Variants in GRIN2B observed in about 807,000 individuals in gnomAD.
The protein encoded by GRIN2B is glutamate receptor ionotropic, NMDA 2B.
GRIN2B carries 5 observed loss-of-function variants against 114.5 expected under a neutral mutation model. The observed-to-expected ratio is 0.04, with a 90% CI of 0.02 to 0.09. The LOEUF (loss-of-function observed/expected upper bound fraction) is 0.09. Among genes scored for constraint, GRIN2B ranks in the 10% least tolerant of loss-of-function variants. The probability of loss-of-function intolerance (pLI) is 1.00; values close to 1 mark genes in which losing one functional copy is unlikely to be tolerated. For missense variants in GRIN2B, 1,108 were observed against 1,943.5 expected (o/e 0.57, Z 8.08); for synonymous variants, 787 against 745.1 (o/e 1.06, Z -0.92).
intron 4 of GRIN2B, among the ~76,000 whole-genome samples, chr12:13,698,233 G>A (rs1353308827): frequency 2.0e-5 from 3 of 152,204 alleles, no homozygotes; most frequent in Non-Finnish European, 4.4e-5. Flanking sequence ...CGCGGGGCGC[G>A]GGGAGCGGAA....
At chr12:13,567,909 GGGGA>G (rs1262982915) in intron 12 of GRIN2B, among the ~76,000 whole-genome samples, 6 of 152,090 alleles carry the variant, frequency 3.9e-5, no homozygotes, top group East Asian at 1.9e-4. Context: ...TATAGACAGT[GGGGA>G]ATAACATAAT....
At chr12:13,676,435 T>C (rs1484539729) in intron 4 of GRIN2B, among the ~76,000 whole-genome samples, 1 of 152,176 alleles carries the variant, frequency 6.6e-6, no homozygotes, top group Non-Finnish European at 1.5e-5. Flanking sequence ...TTTTTGAGCC[T>C]CTGTGTTTTT....
At chr12:13,588,734 GACGC>G (rs988681289) in intron 10 of GRIN2B, among the ~76,000 whole-genome samples, 1 of 152,158 alleles carries the variant, frequency 6.6e-6, no homozygotes, top group African/African-American at 2.4e-5. Flanking sequence ...CCTGTCACTG[GACGC>G]TAAAGAGCAA....
chr12:13,944,157 T>C (rs1402346328), intron 2 of GRIN2B, among the ~76,000 whole-genome samples: 1 of 152,212 alleles, frequency 6.6e-6, no homozygotes, highest in African/African-American at 2.4e-5. Context: ...AGGTCTTATA[T>C]CATTCTCCAA....
chr12:13,618,303 C>G (rs1286487331), intron 5 of GRIN2B, among the ~76,000 whole-genome samples: 3 of 152,122 alleles, frequency 2.0e-5, no homozygotes, highest in Non-Finnish European at 4.4e-5. Context: ...CCCAAATAGG[C>G]CTATTTACCC....
At chr12:13,871,192 T>C (rs1296363057) in intron 2 of GRIN2B, among the ~76,000 whole-genome samples, 10 of 152,122 alleles carry the variant, frequency 6.6e-5, no homozygotes. Context: ...CTAGTTCAGA[T>C]ACCTAGAAAT....
intron 2 of GRIN2B, among the ~76,000 whole-genome samples, chr12:13,926,487 C>T (rs1866912948): frequency 6.6e-6 from 1 of 152,172 alleles, no homozygotes; most frequent in Non-Finnish European, 1.5e-5. Context: ...CAGAGACCAC[C>T]TTGTACGATA....
chr12:13,803,470 T>C (rs904135172), intron 3 of GRIN2B, among the ~76,000 whole-genome samples: 3 of 152,322 alleles, frequency 2.0e-5, no homozygotes, highest in Non-Finnish European at 2.9e-5. Context: ...AGACAACTAG[T>C]ACCTATGGAG....
intron 10 of GRIN2B, among the ~76,000 whole-genome samples, chr12:13,576,969 G>C (rs1228434924): frequency 6.6e-6 from 1 of 152,170 alleles, no homozygotes; most frequent in Non-Finnish European, 1.5e-5. Flanking sequence ...AAATAACACA[G>C]ACAGGACAGG....
At chr12:13,737,280 C>T (rs896008291) in intron 4 of GRIN2B, among the ~76,000 whole-genome samples, 1 of 151,272 alleles carries the variant, frequency 6.6e-6, no homozygotes, top group African/African-American at 2.4e-5. Context: ...GGCGCTATCT[C>T]GGCTCACTGC....
At chr12:13,907,713 T>G (rs953060926) in intron 2 of GRIN2B, among the ~76,000 whole-genome samples, 7 of 152,182 alleles carry the variant, frequency 4.6e-5, no homozygotes, top group Admixed American at 4.6e-4. Flanking sequence ...ATGGATGTTA[T>G]ACATATGAAA....
At chr12:13,907,597 T>A (rs1866562206) in intron 2 of GRIN2B, among the ~76,000 whole-genome samples, 2 of 152,022 alleles carry the variant, frequency 1.3e-5, no homozygotes, top group Non-Finnish European at 2.9e-5. Flanking sequence ...TTGACAGAAG[T>A]CTGAATAGTG....
At chr12:13,778,811 A>G (rs562486240) in intron 3 of GRIN2B, among the ~76,000 whole-genome samples, 5 of 152,230 alleles carry the variant, frequency 3.3e-5, no homozygotes, top group African/African-American at 1.2e-4. Flanking sequence ...TCTTCGTTTT[A>G]TATTTTGGTC....
chr12:13,815,163 A>T (rs1449558481), intron 3 of GRIN2B, among the ~76,000 whole-genome samples: 1 of 152,228 alleles, frequency 6.6e-6, no homozygotes, highest in Non-Finnish European at 1.5e-5. Context: ...AGGAACCATC[A>T]GTGGCCGAAT....
At position 13,645,554 on chromosome 12, in the gene GRIN2B, C is replaced by T; in HGVS notation, c.1126-28897G>A. On this transcript the variant is annotated intron_variant, in intron 5 of 13. Transcript: ENST00000609686. ...GCTCTACCCAGGACTGCCACAAATG[C>T]TCAATTTGTAAAAAACACAGTGTCT... 1.3e-5 allele frequency among the ~76,000 whole-genome samples: 2 copies of T among 152,086 alleles called. 1 individual carries two copies. Among genetic ancestry groups the T allele is most frequent in the Non-Finnish European group, 2.9e-5 (2 of 68,006 alleles).
At chr12:13,719,051 A>G (rs968697805) in intron 4 of GRIN2B, among the ~76,000 whole-genome samples, 2 of 152,026 alleles carry the variant, frequency 1.3e-5, no homozygotes, top group Admixed American at 6.6e-5. Flanking sequence ...TGTTGTCACA[A>G]GAATTCTCCC....
At chr12:13,623,504 A>G (rs868628896) in intron 5 of GRIN2B, among the ~76,000 whole-genome samples, 4 of 152,190 alleles carry the variant, frequency 2.6e-5, no homozygotes, top group South Asian at 4.1e-4. Flanking sequence ...ATGAAACACA[A>G]TATCTTCCTG....
chr12:13,838,224 TCTC>T (rs1395625750), intron 3 of GRIN2B, among the ~76,000 whole-genome samples: 2 of 151,888 alleles, frequency 1.3e-5, no homozygotes, highest in Non-Finnish European at 2.9e-5. Flanking sequence ...TACTTAAAAT[TCTC>T]CTCAAGACAA....
intron 2 of GRIN2B, among the ~76,000 whole-genome samples, chr12:13,895,312 G>T (rs1866334865): frequency 1.3e-5 from 2 of 152,166 alleles, no homozygotes; most frequent in African/African-American, 4.8e-5. Flanking sequence ...CTGGAAAATT[G>T]AGATAAAGTT....
Sources: gnomAD v4.1 joint callset for allele counts (sites outside exome capture counted in the v4.1 genomes callset) on GRCh38, gnomAD v4.1.1 for gene constraint, MANE v1.5 for transcripts, NCBI Gene and HGNC (gene_info 2026-07-23, HGNC 2026-07-21) for gene names.